GMCL1: variants seen among roughly 807,000 people sequenced by gnomAD.
GMCL1 encodes germ cell-less 1, spermatogenesis associated.
A neutral mutation model predicts 75.5 loss-of-function variants in GMCL1; 54 were observed. That is an observed-to-expected ratio of 0.71 (90% CI 0.57 to 0.90). The LOEUF (loss-of-function observed/expected upper bound fraction) is 0.90, where lower values mean the gene tolerates loss of function less well. GMCL1 is among the 40% of genes least tolerant of loss of function. The probability of loss-of-function intolerance (pLI) is 0.00; values close to 1 mark genes in which losing one functional copy is unlikely to be tolerated. For synonymous variants in GMCL1, 210 were observed against 209.6 expected (o/e 1.00, Z -0.02); for missense variants, 537 against 622.7 (o/e 0.86, Z 1.47).
At chr2:69,864,784 C>T in intron 10 of GMCL1, 116 bp from the exon 11 acceptor site, 1 of 658,014 alleles carries the variant, frequency 1.5e-6, no homozygotes, top group Non-Finnish European at 2.6e-6. Context: ...TTATCTGTAC[C>T]ACAAAAACTT....
intron 6 of GMCL1, among the ~76,000 whole-genome samples, chr2:69,846,786 A>G (rs138547275): frequency 1.9e-3 from 284 of 152,170 alleles, no homozygotes; most frequent in African/African-American, 6.3e-3. Context: ...TCTTAAGCCT[A>G]GAGGTTAAAG....
chr2:69,851,732 C>T (rs1452820788), intron 8 of GMCL1, among the ~76,000 whole-genome samples: 1 of 152,082 alleles, frequency 6.6e-6, no homozygotes, highest in African/African-American at 2.4e-5. Context: ...CACCACTGCA[C>T]TCCAGCCTGG....
At chr2:69,833,684 T>C (rs759287796) in intron 1 of GMCL1, among the ~76,000 whole-genome samples, 1 of 152,228 alleles carries the variant, frequency 6.6e-6, no homozygotes, top group African/African-American at 2.4e-5. Flanking sequence ...TTGGCCCTAG[T>C]ATATACTTCC....
At chr2:69,872,815 CTATCTT>C (rs1402589812) in intron 13 of GMCL1, among the ~76,000 whole-genome samples, 1 of 152,202 alleles carries the variant, frequency 6.6e-6, no homozygotes, top group African/African-American at 2.4e-5. Flanking sequence ...CAGACAATGA[CTATCTT>C]TATCTTCTAC....
intron 9 of GMCL1, among the ~76,000 whole-genome samples, chr2:69,858,315 C>G (rs1202144900): frequency 6.6e-6 from 1 of 152,020 alleles, no homozygotes; most frequent in Non-Finnish European, 1.5e-5. Context: ...GTACCCAGCC[C>G]CTATTTTGAG....
Position 69,871,840 on chromosome 2 carries a change from C to A in GMCL1, c.1452+8C>A. ...ACACTTGAAAAGGATCAGGTATGTTCGATTATCTTCTGGTATGTCATCATA... is the reference window on the plus strand; with the variant it reads ...ACACTTGAAAAGGATCAGGTATGTTAGATTATCTTCTGGTATGTCATCATA... On this transcript the variant is annotated splice_region_variant and intron_variant, in intron 13 of 13. Transcript: ENST00000282570. The A allele has an allele frequency of 6.8e-7, 1 of 1,463,298 alleles. No homozygotes were observed. The highest frequency in any genetic ancestry group is 1.2e-5 in the South Asian group (1 of 81,316). The allele number at this position is 1,463,298 out of a possible 1,614,324, so 90.6% of individuals were successfully genotyped here.
intron 10 of GMCL1, among the ~76,000 whole-genome samples, chr2:69,861,944 G>T (rs1041516054): frequency 2.0e-5 from 3 of 152,004 alleles, no homozygotes; most frequent in African/African-American, 7.2e-5. Context: ...GGAGGTTGCG[G>T]TAAGCCAAAA....
rs112731324 is a variant in GMCL1 at position 69,860,206 on chromosome 2, G to T, written c.1073-1072G>T. Among the ~76,000 whole-genome samples the T allele has an allele frequency of 5.4e-3, 815 of 152,040 alleles. 8 individuals carry two copies. Among genetic ancestry groups the T allele is most frequent in the African/African-American group, 0.019 (785 of 41,466 alleles). The stretch of plus-strand genomic sequence containing the variant: ...AGGTCTCACTATGTTGCCCAGGCTG[G>T]TCTAGAACTCCTGGGCTCAAGTGAT... On this transcript the variant is annotated intron_variant, in intron 9 of 13. Coordinates refer to ENST00000282570, the MANE Select transcript of GMCL1 (RefSeq NM_178439.5).
chr2:69,872,233 G>A (rs1031516059), intron 13 of GMCL1, among the ~76,000 whole-genome samples: 5 of 152,060 alleles, frequency 3.3e-5, no homozygotes, highest in East Asian at 1.9e-4. Flanking sequence ...CCATAGCTCC[G>A]AATATCATAA....
In GMCL1 at chr2:69,869,472, G is replaced by A. The variant is rs908890228; in HGVS notation, c.1219-247G>A. ...TTATTTATGGTAGAATTGCAGTATG[G>A]AGAGATAAGGAAACTGATCATGAAG... On this transcript the variant is annotated intron_variant, in intron 11 of 13. Coordinates refer to ENST00000282570, the MANE Select transcript of GMCL1 (RefSeq NM_178439.5). The A allele has an allele frequency of 1.6e-5, 6 of 370,690 alleles. No individual in the cohort carries two copies. The Admixed American group carries it at 2.6e-4, about 16-fold the overall frequency. The allele number at this position is 370,690 out of a possible 1,614,324, so 23.0% of individuals were successfully genotyped here. A position where few individuals can be genotyped will look rare whatever the true frequency, so the allele number is the denominator to read the frequency against.
chr2:69,871,155 TGTG>T (rs1675971330), intron 12 of GMCL1, among the ~76,000 whole-genome samples: 1 of 133,324 alleles, frequency 7.5e-6, no homozygotes, highest in African/African-American at 3.3e-5. Flanking sequence ...AGAAACAAAA[TGTG>T]GTATATACAT....
intron 13 of GMCL1, among the ~76,000 whole-genome samples, 190 bp from the exon 14 acceptor site, chr2:69,878,719 T>TA (rs776130904): frequency 5.9e-5 from 9 of 152,188 alleles, no homozygotes; most frequent in Non-Finnish European, 1.0e-4. Context: ...CAGGTACTCT[T>TA]ACTGTCCCCA....
Position 69,864,987 on chromosome 2 carries a change from TTGTG to T in GMCL1, c.1218+13_1218+16del. ...CCAAAGATGGTGAAGTAAGTATGGG[TTGTG>T]ACTGTTAATATTCTTATACAAATTG... is the stretch of plus-strand genomic sequence containing the variant. On this transcript the variant is annotated intron_variant, in intron 11 of 13. Transcript: ENST00000282570. 6.3e-7 allele frequency: 1 copy of T among 1,590,200 alleles called. No individual in the cohort carries two copies. Among genetic ancestry groups the T allele is most frequent in the Non-Finnish European group, 8.6e-7 (1 of 1,158,558 alleles).
At chr2:69,845,557 A>G (rs1229246255) in intron 6 of GMCL1, among the ~76,000 whole-genome samples, 2 of 152,210 alleles carry the variant, frequency 1.3e-5, no homozygotes, top group African/African-American at 4.8e-5. Flanking sequence ...TTATAGGCAC[A>G]TACCACTGCA....
chr2:69,849,514 T>A (rs1675248764), intron 7 of GMCL1, 138 bp from the exon 8 acceptor site: 1 of 563,030 alleles, frequency 1.8e-6, no homozygotes, highest in Admixed American at 3.5e-5. Context: ...AGTTGTACTT[T>A]CTTTCTTGCA....
chr2:69,853,694 C>G (rs1675384384), intron 8 of GMCL1, among the ~76,000 whole-genome samples: 1 of 152,176 alleles, frequency 6.6e-6, no homozygotes, highest in Non-Finnish European at 1.5e-5. Flanking sequence ...ACCTTTCCTT[C>G]TGACTCATGA....
Position 69,829,730 on chromosome 2 carries a change from G to C in GMCL1, c.-163G>C, listed in dbSNP as rs1674612702. The C allele has an allele frequency of 2.6e-6, 2 of 761,196 alleles. No individual in the cohort carries two copies. Among genetic ancestry groups the C allele is most frequent in the Non-Finnish European group, 4.0e-6 (2 of 496,900 alleles). The allele number at this position is 761,196 out of a possible 1,614,324, so 47.2% of individuals were successfully genotyped here. A position where few individuals can be genotyped will look rare whatever the true frequency, so the allele number is the denominator to read the frequency against. On this transcript the variant is annotated 5_prime_UTR_variant, in exon 1 of 14. Transcript: ENST00000282570. ...GCGGCGCGACCGGACGCTGCGGGCGGGGAAGAGGATGGAGACTGTGGCGTC... is the reference window on the plus strand; with the variant it reads ...GCGGCGCGACCGGACGCTGCGGGCGCGGAAGAGGATGGAGACTGTGGCGTC...
At chr2:69,860,027 T>G (rs4852356) in intron 9 of GMCL1, among the ~76,000 whole-genome samples, 104,396 of 152,016 alleles carry the variant, frequency 0.69, 37,425 homozygotes, top group African/African-American at 0.9. Context: ...TTGAGGCAGG[T>G]TCTTGCTCTG....
intron 2 of GMCL1, 33 bp from the exon 3 acceptor site, chr2:69,839,424 C>A: frequency 7.6e-7 from 1 of 1,319,940 alleles, no homozygotes; most frequent in Non-Finnish European, 1.1e-6. Flanking sequence ...ACAGAAAGTA[C>A]TTGATAATCG....
Sources: allele counts gnomAD v4.1 joint callset (sites outside exome capture counted in the v4.1 genomes callset), GRCh38; gene constraint gnomAD v4.1.1; transcripts MANE v1.5; gene names NCBI Gene and HGNC (gene_info 2026-07-23, HGNC 2026-07-21).